INPP4A: variants seen among roughly 807,000 people sequenced by gnomAD.
INPP4A encodes the protein inositol polyphosphate-4-phosphatase type I A.
INPP4A carries 33 observed loss-of-function variants against 119.8 expected under a neutral mutation model. The ratio of observed to expected loss-of-function variants is 0.28; its 90% CI spans 0.21 to 0.37. The LOEUF (loss-of-function observed/expected upper bound fraction) is 0.37. Among genes scored for constraint, INPP4A ranks in the 10% least tolerant of loss-of-function variants. The pLI is 1.00. For synonymous variants in INPP4A, 496 were observed against 500.7 expected (o/e 0.99, Z 0.12); for missense variants, 956 against 1,289.9 (o/e 0.74, Z 3.97).
At chr2:98,491,058 C>T (rs540515083) in intron 1 of INPP4A, among the ~76,000 whole-genome samples, 1 of 152,206 alleles carries the variant, frequency 6.6e-6, no homozygotes. Flanking sequence ...CAAACTGGGT[C>T]AGACAGACAA....
chr2:98,525,514 TC>T (rs1182956316), intron 4 of INPP4A, among the ~76,000 whole-genome samples: 1 of 152,148 alleles, frequency 6.6e-6, no homozygotes, highest in African/African-American at 2.4e-5. Context: ...GCCTACCACT[TC>T]CTAAAATTTA....
At position 98,469,052 on chromosome 2, in the gene INPP4A, G is replaced by A. The variant is rs369256058; in HGVS notation, c.-166+23967G>A. 1.2e-4 allele frequency among the ~76,000 whole-genome samples: 18 copies of A among 152,308 alleles called. No individual in the cohort carries two copies. The East Asian group carries it at 2.1e-3, about 18-fold the overall frequency. ...CCTGGCTGTACCTTACCATCACCTA[G>A]GGGCTTTTGAAAAACATGGCAGCCT... On this transcript the variant is annotated intron_variant, in intron 1 of 24. Coordinates refer to ENST00000409851, the MANE Select transcript of INPP4A (RefSeq NM_001134225.2).
Position 98,563,643 on chromosome 2 carries a change from C to A in INPP4A, c.2028+6C>A, listed in dbSNP as rs562440977. Reference sequence around the variant, plus strand: ...ACGTGGTCTTCTGCCAGACGGTAGGCCCCGGGAGCACCCCGAGGGAGACCA... The same window carrying A: ...ACGTGGTCTTCTGCCAGACGGTAGGACCCGGGAGCACCCCGAGGGAGACCA... On this transcript the variant is annotated splice_donor_region_variant and intron_variant, in intron 18 of 24. Transcript: ENST00000409851. 2.0e-4 allele frequency: 329 copies of A among 1,611,676 alleles called. No homozygotes were observed. The highest frequency in any genetic ancestry group is 3.2e-4 in the Admixed American group (19 of 59,938).
chr2:98,462,832 ATTTTATT>A, intron 1 of INPP4A, among the ~76,000 whole-genome samples: 1 of 151,906 alleles, frequency 6.6e-6, no homozygotes, highest in African/African-American at 2.4e-5. Flanking sequence ...ACACACAGAC[ATTTTATT>A]TTTTATTTAT....
chr2:98,533,559 G>T, intron 5 of INPP4A, 64 bp downstream of exon 5: 1 of 957,358 alleles, frequency 1.0e-6, no homozygotes, highest in Non-Finnish European at 1.7e-6. Context: ...CTCTTGTCCT[G>T]ATGTTCAGTT....
intron 1 of INPP4A, among the ~76,000 whole-genome samples, chr2:98,487,867 G>A (rs968334048): frequency 2.0e-5 from 3 of 152,200 alleles, no homozygotes; most frequent in African/African-American, 7.2e-5. Flanking sequence ...TGTTTCAGTA[G>A]CTATTAGATA....
intron 1 of INPP4A, among the ~76,000 whole-genome samples, chr2:98,468,402 T>G (rs1489370397): frequency 6.6e-6 from 1 of 152,090 alleles, no homozygotes; most frequent in Non-Finnish European, 1.5e-5. Context: ...TGCCTAAATT[T>G]TATTTTTTAT....
chr2:98,502,704 G>T (rs1418832489), intron 1 of INPP4A, among the ~76,000 whole-genome samples: 1 of 152,128 alleles, frequency 6.6e-6, no homozygotes, highest in East Asian at 1.9e-4. Context: ...AACCAGATTA[G>T]GAATCTTTCT....
Position 98,457,229 on chromosome 2 carries a change from T to C in INPP4A, c.-166+12144T>C, listed in dbSNP as rs76790086. On this transcript the variant is annotated intron_variant, in intron 1 of 24. Transcript: ENST00000409851. Reference sequence around the variant, plus strand: ...GAGCAAAGAGAGTTTTAAGCAGTAGTGGATGTAACTCATTTAAAATAGGAT... The same window carrying C: ...GAGCAAAGAGAGTTTTAAGCAGTAGCGGATGTAACTCATTTAAAATAGGAT... Among the ~76,000 whole-genome samples the C allele has an allele frequency of 3.9e-4, 59 of 152,300 alleles. No homozygotes were observed. In the East Asian group the frequency reaches 9.4e-3, roughly 24 times the overall value.
chr2:98,537,802 A>AT, intron 7 of INPP4A, 61 bp from the exon 8 acceptor site: 2 of 1,301,828 alleles, frequency 1.5e-6, no homozygotes, highest in Non-Finnish European at 2.2e-6. Context: ...AGGGCTTTGT[A>AT]TTTCAGCAGA....
At chr2:98,478,576 C>G (rs976368191) in intron 1 of INPP4A, among the ~76,000 whole-genome samples, 2 of 152,210 alleles carry the variant, frequency 1.3e-5, no homozygotes, top group Non-Finnish European at 2.9e-5. Flanking sequence ...CACTCCCTCC[C>G]CCGACTTTCT....
intron 4 of INPP4A, among the ~76,000 whole-genome samples, chr2:98,528,018 A>T (rs192225666): frequency 1.3e-5 from 2 of 152,354 alleles, no homozygotes; most frequent in East Asian, 1.9e-4. Flanking sequence ...TCATACACAG[A>T]TGGAAAAAAC....
intron 1 of INPP4A, among the ~76,000 whole-genome samples, chr2:98,511,223 C>T (rs1220483893): frequency 2.0e-5 from 3 of 152,146 alleles, no homozygotes; most frequent in Admixed American, 2.0e-4. Flanking sequence ...CCACGCCCAG[C>T]TAATTTTTTG....
intron 14 of INPP4A, among the ~76,000 whole-genome samples, chr2:98,553,196 G>A (rs1693844811): frequency 6.6e-6 from 1 of 152,222 alleles, no homozygotes; most frequent in Non-Finnish European, 1.5e-5. Context: ...ACTCTTAGGT[G>A]CAGCTTCAGG....
intron 24 of INPP4A, among the ~76,000 whole-genome samples, chr2:98,585,523 G>T (rs927740725): frequency 1.3e-5 from 2 of 152,220 alleles, no homozygotes; most frequent in African/African-American, 4.8e-5. Flanking sequence ...GAGGTGTCCT[G>T]CCTTAGGGCA....
In INPP4A at chr2:98,554,649, G is replaced by A. The variant is rs760915552; in HGVS notation, c.1566+160G>A. 4.6e-5 allele frequency among the ~76,000 whole-genome samples: 7 copies of A among 152,222 alleles called. No homozygotes were observed. Among genetic ancestry groups the A allele is most frequent in the African/African-American group, 1.4e-4 (6 of 41,452 alleles). On this transcript the variant is annotated intron_variant, in intron 15 of 24. Transcript: ENST00000409851. The surrounding 1 kb of genome is among the most constrained non-coding windows in gnomAD (Gnocchi z 4.7). ...ATGGCTCCTTGGCTCCTGATGCAGG[G>A]AGGGAGGAGACTGTTTTCAAACCCT...
chr2:98,529,837 T>C (rs1688878204), intron 4 of INPP4A, among the ~76,000 whole-genome samples: 1 of 152,168 alleles, frequency 6.6e-6, no homozygotes, highest in Non-Finnish European at 1.5e-5. Context: ...GTAGTAAAAA[T>C]TAAAGCAATG....
chr2:98,577,318 G>A (rs1037497215), intron 24 of INPP4A, among the ~76,000 whole-genome samples, 175 bp downstream of exon 24: 1 of 152,208 alleles, frequency 6.6e-6, no homozygotes, highest in Non-Finnish European at 1.5e-5. Context: ...ATTCAGACAG[G>A]GTTCTCTTGT....
chr2:98,552,184 G>A (rs1693654299), intron 13 of INPP4A, among the ~76,000 whole-genome samples: 1 of 152,186 alleles, frequency 6.6e-6, no homozygotes, highest in Non-Finnish European at 1.5e-5. Context: ...ATTTTTCAAA[G>A]TAGGGAAGTC....
Sources: gnomAD v4.1 joint callset for allele counts (sites outside exome capture counted in the v4.1 genomes callset) on GRCh38, gnomAD v4.1.1 for gene constraint, Gnocchi (gnomAD v3.1) non-coding constraint, MANE v1.5 for transcripts, NCBI Gene and HGNC (gene_info 2026-07-23, HGNC 2026-07-21) for gene names.